Variants in FBXW12 observed in about 807,000 individuals in gnomAD.
The protein encoded by FBXW12 is F-box and WD repeat domain containing 12.
In FBXW12, 43 loss-of-function variants were observed where a neutral mutation model predicts 55.3. The observed-to-expected ratio is 0.78, with a 90% confidence interval of 0.61 to 1.00. The LOEUF is 1.00. Ranked by LOEUF, FBXW12 falls within the 50% of genes least tolerant of loss-of-function variation. The pLI is 0.00. For synonymous variants in FBXW12, 184 were observed against 203.8 expected (o/e 0.90, Z 0.83); for missense variants, 524 against 560.5 (o/e 0.93, Z 0.66).
intron 4 of FBXW12, among the ~76,000 whole-genome samples, chr3:48,374,788 A>ATTTTTT (rs1560029793): frequency 3.1e-5 from 3 of 96,316 alleles, no homozygotes; most frequent in African/African-American, 1.3e-4. Flanking sequence ...TTTTTTTTTA[A>ATTTTTT]AAACAGAGTC....
intron 5 of FBXW12, among the ~76,000 whole-genome samples, chr3:48,375,970 C>T (rs1023703411): frequency 6.7e-5 from 9 of 134,054 alleles, no homozygotes; most frequent in South Asian, 2.4e-4. Context: ...CCACTGCGCC[C>T]GGCCTTTTTT....
At chr3:48,378,824 C>T (rs9311424) in intron 6 of FBXW12, among the ~76,000 whole-genome samples, 60,534 of 151,372 alleles carry the variant, frequency 0.4, 12,149 homozygotes, top group Non-Finnish European at 0.46. Flanking sequence ...TGGTCTTGAA[C>T]TCCTGACCTC....
intron 10 of FBXW12, among the ~76,000 whole-genome samples, chr3:48,393,771 T>A (rs1410981368): frequency 7.4e-6 from 1 of 135,860 alleles, no homozygotes; most frequent in Non-Finnish European, 1.5e-5. Context: ...GAGAAAATAT[T>A]TTTTTTCTTT....
intron 5 of FBXW12, among the ~76,000 whole-genome samples, chr3:48,377,560 C>T (rs1183963071): frequency 1.3e-5 from 2 of 152,218 alleles, no homozygotes; most frequent in Non-Finnish European, 2.9e-5. Flanking sequence ...CCCTGAATTT[C>T]TGATCAAAAG....
chr3:48,392,852 A>C (rs1021649037), intron 10 of FBXW12, among the ~76,000 whole-genome samples: 1 of 152,056 alleles, frequency 6.6e-6, no homozygotes, highest in African/African-American at 2.4e-5. Context: ...TTTGATTAGG[A>C]TATGTCTGGT....
At chr3:48,387,439 CTA>C (rs1237480692) in intron 10 of FBXW12, among the ~76,000 whole-genome samples, 9 of 101,062 alleles carry the variant, frequency 8.9e-5, no homozygotes, top group Non-Finnish European at 1.2e-4. Flanking sequence ...CTTTTGGTCT[CTA>C]TTTTTTTTTT....
chr3:48,376,551 C>A (rs1259052729), intron 5 of FBXW12, among the ~76,000 whole-genome samples: 3 of 152,150 alleles, frequency 2.0e-5, no homozygotes, highest in Non-Finnish European at 4.4e-5. Flanking sequence ...CAGTGAGGTT[C>A]TTAGGAGACC....
intron 10 of FBXW12, among the ~76,000 whole-genome samples, chr3:48,385,921 C>T (rs1056304264): frequency 2.6e-5 from 4 of 152,080 alleles, no homozygotes; most frequent in Non-Finnish European, 5.9e-5. Flanking sequence ...GATATTAACC[C>T]TTATATGTAT....
intron 10 of FBXW12, 46 bp from the exon 11 acceptor site, chr3:48,394,514 C>G (rs2036977550): frequency 9.2e-7 from 1 of 1,082,926 alleles, no homozygotes. Context: ...ATGGATGTAC[C>G]TACTTTCTCT....
chr3:48,374,067 C>T (rs1195357505), intron 4 of FBXW12, among the ~76,000 whole-genome samples: 1 of 152,086 alleles, frequency 6.6e-6, no homozygotes, highest in African/African-American at 2.4e-5. Flanking sequence ...GCCTGTAATC[C>T]CAGAACTTTG....
intron 4 of FBXW12, 80 bp downstream of exon 4, chr3:48,373,785 T>C: frequency 1.5e-6 from 2 of 1,317,738 alleles, no homozygotes; most frequent in Non-Finnish European, 2.1e-6. Flanking sequence ...CTGTGTGCAG[T>C]TGTGTATTCT....
Position 48,394,683 on chromosome 3 carries a change from T to C in FBXW12, c.*24T>C. The C allele has an allele frequency of 8.2e-7, 1 of 1,224,104 alleles. No homozygotes were observed. The highest frequency in any genetic ancestry group is 1.2e-6 in the Non-Finnish European group (1 of 841,884). 75.8% of individuals were successfully genotyped at this position (1,224,104 alleles called of 1,614,324 possible). The stretch of plus-strand genomic sequence containing the variant: ...AATATGGAAACTAACAAAATTGACC[T>C]TGCATCATCTTCTGCAATGTAGTAA... On this transcript the variant is annotated 3_prime_UTR_variant, in exon 11 of 11. Coordinates refer to ENST00000296438, the MANE Select transcript of FBXW12 (RefSeq NM_207102.2).
intron 10 of FBXW12, among the ~76,000 whole-genome samples, chr3:48,391,317 TACAC>T (rs140067012): frequency 0.34 from 45,719 of 132,690 alleles, 7,267 homozygotes; most frequent in Non-Finnish European, 0.38. Context: ...TATCTATCTA[TACAC>T]ACACACACAC....
At chr3:48,393,306 T>C (rs556249294) in intron 10 of FBXW12, among the ~76,000 whole-genome samples, 1 of 152,202 alleles carries the variant, frequency 6.6e-6, no homozygotes, top group Admixed American at 6.5e-5. Flanking sequence ...TGGGGTACCA[T>C]TTCTACTCAC....
intron 10 of FBXW12, among the ~76,000 whole-genome samples, chr3:48,387,437 C>A (rs2036862385): frequency 9.1e-6 from 1 of 109,792 alleles, no homozygotes; most frequent in Non-Finnish European, 1.9e-5. Flanking sequence ...AGCTTTTGGT[C>A]TCTATTTTTT....
chr3:48,379,434 C>T lies in FBXW12; in HGVS notation c.650C>T (p.Thr217Ile), dbSNP rs565320557. ...GCTGCAGGTGACATCTACACATTTA[C>T]ACTGCCTGGGTTAAGAGATGTTTCT... ...GDAAGDIYTFTLPGLRDVSKV... is the reference protein window; with the variant it reads ...GDAAGDIYTFILPGLRDVSKV... The change falls in exon 7 of 11, where the codon ACA becomes ATA. Residue 217 changes from threonine to isoleucine, a missense_variant. Transcript: ENST00000296438. 5 of 1,614,158 alleles carry T rather than the reference C, an allele frequency of 3.1e-6. No homozygotes were observed. In the South Asian group the frequency reaches 4.4e-5, roughly 14 times the overall value.
rs191482382 is a variant in FBXW12 at position 48,394,442 on chromosome 3, C to G, written c.1296-118C>G. 1.9e-5 allele frequency: 12 copies of G among 641,758 alleles called. No individual in the cohort carries two copies. In the East Asian group the frequency reaches 3.5e-4, roughly 19 times the overall value. The allele number at this position is 641,758 out of a possible 1,614,324, so 39.8% of individuals were successfully genotyped here. On this transcript the variant is annotated intron_variant, in intron 10 of 10. Transcript: ENST00000296438. ...TTATTCAAAACCAAATCTAAGAGCA[C>G]GAAGGACCAATTAATTTGGAAAGTA...
chr3:48,372,891 C>G (rs747597740), intron 2 of FBXW12, 34 bp downstream of exon 2: 3 of 1,588,068 alleles, frequency 1.9e-6, no homozygotes, highest in Non-Finnish European at 2.6e-6. Flanking sequence ...GCCCCCCAAG[C>G]CCGCTGCTTC....
At position 48,372,955 on chromosome 3, in the gene FBXW12, T is replaced by A; in HGVS notation, c.90+98T>A. 3 of 1,157,366 alleles carry A rather than the reference T, an allele frequency of 2.6e-6. No individual in the cohort carries two copies. In the South Asian group the frequency reaches 3.7e-5, roughly 14 times the overall value. 71.7% of individuals were successfully genotyped at this position (1,157,366 alleles called of 1,614,324 possible). On this transcript the variant is annotated intron_variant, in intron 2 of 10. Transcript: ENST00000296438. The stretch of plus-strand genomic sequence containing the variant: ...GAATAGCAGAGGGTTACACTGAGGC[T>A]TTGGGGGTTAGCATTCTTCATACTG...
Sources: allele counts gnomAD v4.1 joint callset (sites outside exome capture counted in the v4.1 genomes callset), GRCh38; gene constraint gnomAD v4.1.1; transcripts MANE v1.5; gene names NCBI Gene and HGNC (gene_info 2026-07-23, HGNC 2026-07-21).